Variants in PTPRO observed in about 807,000 individuals in gnomAD.
PTPRO encodes the protein receptor-type tyrosine-protein phosphatase O.
PTPRO carries 62 observed loss-of-function variants against 145.2 expected under a neutral mutation model. The observed-to-expected ratio is 0.43, with a 90% confidence interval of 0.35 to 0.53. The LOEUF is 0.53. Ranked by LOEUF, PTPRO falls within the 20% of genes least tolerant of loss-of-function variation. The probability of loss-of-function intolerance (pLI) is 0.01; values close to 1 mark genes in which losing one functional copy is unlikely to be tolerated. For missense variants in PTPRO, 1,345 were observed against 1,482.7 expected (o/e 0.91, Z 1.53); for synonymous variants, 565 against 514.7 (o/e 1.10, Z -1.32).
At chr12:15,589,850 C>T (rs1482340371) in intron 25 of PTPRO, among the ~76,000 whole-genome samples, 2 of 152,182 alleles carry the variant, frequency 1.3e-5, no homozygotes, top group Non-Finnish European at 2.9e-5. Flanking sequence ...AGTAAAACCT[C>T]TTTGAACAGA....
intron 19 of PTPRO, among the ~76,000 whole-genome samples, chr12:15,573,123 A>G (rs1944096927): frequency 6.6e-6 from 1 of 152,164 alleles, no homozygotes. Context: ...ATCTATTTTA[A>G]GGTATTGGCT....
chr12:15,341,396 C>T (rs1188278642), intron 1 of PTPRO, among the ~76,000 whole-genome samples: 1 of 152,196 alleles, frequency 6.6e-6, no homozygotes, highest in African/African-American at 2.4e-5. Context: ...CTATGTCATA[C>T]CCCCTCCTCT....
chr12:15,515,617 T>C lies in PTPRO; in HGVS notation c.1584T>C (p.Ile528=), dbSNP rs769876192. 1 of 1,613,916 alleles carries C rather than the reference T, an allele frequency of 6.2e-7. No homozygotes were observed. The highest frequency in any genetic ancestry group is 1.3e-5 in the African/African-American group (1 of 74,900). The change falls in exon 8 of 27, where the codon ATT becomes ATC. Residue 528 remains isoleucine, a splice_region_variant and synonymous_variant. Transcript: ENST00000281171. ...CTTCAGATCCTGTGACATTTGCTAT[T>C]GGTAAGTTGCTAGCCACAAGAAGAA... ...GPPSDPVTFA[I]VPTGIKDLML... is the part of the protein sequence containing the mutation.
intron 7 of PTPRO, among the ~76,000 whole-genome samples, chr12:15,514,735 C>CATTT (rs955285926): frequency 1.1e-4 from 17 of 151,702 alleles, no homozygotes; most frequent in Middle Eastern, 6.8e-3. Context: ...AGGTCATTTC[C>CATTT]ATTTATTTAT....
intron 1 of PTPRO, among the ~76,000 whole-genome samples, chr12:15,417,383 T>G (rs1325508326): frequency 6.6e-6 from 1 of 151,820 alleles, no homozygotes; most frequent in Non-Finnish European, 1.5e-5. Flanking sequence ...TTAATAACTC[T>G]GAACACAAAC....
intron 19 of PTPRO, among the ~76,000 whole-genome samples, chr12:15,572,564 T>C (rs1375168979): frequency 2.0e-5 from 3 of 152,232 alleles, no homozygotes; most frequent in Non-Finnish European, 4.4e-5. Context: ...ATCATTTTGT[T>C]ACTGATTTCT....
intron 1 of PTPRO, among the ~76,000 whole-genome samples, chr12:15,366,548 TG>T (rs1938367764): frequency 6.6e-6 from 1 of 152,198 alleles, no homozygotes; most frequent in Non-Finnish European, 1.5e-5. Context: ...GGAATTTCAA[TG>T]AAGATTTTAG....
intron 4 of PTPRO, 112 bp downstream of exon 4, chr12:15,499,706 T>C (rs1379874074): frequency 8.0e-7 from 1 of 1,250,482 alleles, no homozygotes; most frequent in East Asian, 2.5e-5. Context: ...AAAGAAAATA[T>C]ATATGTTTAA....
At chr12:15,475,510 A>C (rs949752465) in intron 1 of PTPRO, among the ~76,000 whole-genome samples, 77 of 152,382 alleles carry the variant, frequency 5.1e-4, no homozygotes, top group African/African-American at 1.8e-3. Flanking sequence ...ATTTGTGGAC[A>C]GTAAGATTTA....
chr12:15,499,665 A>G, intron 4 of PTPRO, 71 bp downstream of exon 4: 1 of 1,494,516 alleles, frequency 6.7e-7, no homozygotes, highest in Non-Finnish European at 9.3e-7. Context: ...TTTATTTTTT[A>G]TCCTAAGAAA....
intron 16 of PTPRO, among the ~76,000 whole-genome samples, chr12:15,558,060 G>A (rs1028875138): frequency 6.6e-5 from 10 of 151,700 alleles, no homozygotes; most frequent in East Asian, 1.9e-4. Flanking sequence ...TCAGCCTCCC[G>A]AGTAGCTGGG....
chr12:15,540,011 G>A (rs1374641826), intron 12 of PTPRO, among the ~76,000 whole-genome samples: 1 of 151,446 alleles, frequency 6.6e-6, no homozygotes, highest in Non-Finnish European at 1.5e-5. Context: ...AACAAGACAA[G>A]GTCTAATAAA....
intron 1 of PTPRO, among the ~76,000 whole-genome samples, chr12:15,353,051 A>G (rs952235641): frequency 1.3e-5 from 2 of 152,204 alleles, no homozygotes; most frequent in Non-Finnish European, 1.5e-5. Flanking sequence ...GCAGGGACTG[A>G]TTTCTTGCAT....
At chr12:15,539,491 T>C (rs1455867770) in intron 12 of PTPRO, among the ~76,000 whole-genome samples, 2 of 152,060 alleles carry the variant, frequency 1.3e-5, no homozygotes, top group East Asian at 3.9e-4. Flanking sequence ...CTGGGCACAG[T>C]GGCTCACTGC....
chr12:15,428,140 C>CA (rs1940333921), intron 1 of PTPRO, among the ~76,000 whole-genome samples: 2 of 152,080 alleles, frequency 1.3e-5, no homozygotes, highest in Admixed American at 6.6e-5. Context: ...CTCATGATTG[C>CA]AAAAGCAAGT....
chr12:15,594,547 A>G (rs938629256), intron 25 of PTPRO, among the ~76,000 whole-genome samples: 11 of 151,876 alleles, frequency 7.2e-5, no homozygotes, highest in African/African-American at 2.7e-4. Context: ...ATGTATATAT[A>G]CACACACATA....
At chr12:15,593,376 G>A (rs1944593144) in intron 25 of PTPRO, among the ~76,000 whole-genome samples, 1 of 152,130 alleles carries the variant, frequency 6.6e-6, no homozygotes, top group Non-Finnish European at 1.5e-5. Context: ...GAGAAACTCT[G>A]GGAAACAAAG....
intron 14 of PTPRO, among the ~76,000 whole-genome samples, chr12:15,550,163 CA>C (rs1234497402): frequency 6.6e-6 from 1 of 152,078 alleles, no homozygotes; most frequent in Admixed American, 6.5e-5. Flanking sequence ...GAAGTCTTAC[CA>C]ATGATATAGA....
At position 15,535,460 on chromosome 12, in the gene PTPRO, C is replaced by T. The variant is rs899336840; in HGVS notation, c.2164+9198C>T. Among the ~76,000 whole-genome samples the T allele has an allele frequency of 2.0e-5, 3 of 152,238 alleles. No individual in the cohort carries two copies. In the South Asian group the frequency reaches 6.2e-4, roughly 32 times the overall value. On this transcript the variant is annotated intron_variant, in intron 12 of 26. Coordinates refer to ENST00000281171, the MANE Select transcript of PTPRO (RefSeq NM_030667.3). ...ACAAAACAAAAACAGAATTGCACACCACCATCATCAAACTTATGCTTTATC... is the reference window on the plus strand; with the variant it reads ...ACAAAACAAAAACAGAATTGCACACTACCATCATCAAACTTATGCTTTATC...
Sources: allele counts gnomAD v4.1 joint callset (sites outside exome capture counted in the v4.1 genomes callset), GRCh38; gene constraint gnomAD v4.1.1; transcripts MANE v1.5; gene names NCBI Gene and HGNC (gene_info 2026-07-23, HGNC 2026-07-21).